The following MAP2 variants were observed in gnomAD, a reference collection of about 807,000 sequenced individuals.
The protein encoded by MAP2 is microtubule associated protein 2, also known as microtubule-associated protein 2.
MAP2 carries 14 observed loss-of-function variants against 137.6 expected under a neutral mutation model. The observed-to-expected ratio is 0.10, with a 90% CI of 0.07 to 0.16. The LOEUF (loss-of-function observed/expected upper bound fraction) is 0.16, where lower values mean the gene tolerates loss of function less well. MAP2 is among the 10% of genes least tolerant of loss of function. MAP2 has a pLI of 1.00. For synonymous variants in MAP2, 786 were observed against 782.3 expected (o/e 1.00, Z -0.08); for missense variants, 2,088 against 2,191.5 (o/e 0.95, Z 0.94).
intron 4 of MAP2, among the ~76,000 whole-genome samples, chr2:209,645,093 A>G (rs1013755190): frequency 1.3e-5 from 2 of 152,194 alleles, no homozygotes; most frequent in Non-Finnish European, 2.9e-5. Flanking sequence ...GTGCTCAGGA[A>G]CTACTTTTTG....
chr2:209,671,182 G>A (rs2048702048), intron 5 of MAP2, among the ~76,000 whole-genome samples: 2 of 151,890 alleles, frequency 1.3e-5, no homozygotes, highest in South Asian at 2.1e-4. Context: ...ATGTTGGCCA[G>A]TGTGACCCCT....
At chr2:209,452,553 A>C (rs1214775614) in intron 1 of MAP2, among the ~76,000 whole-genome samples, 1 of 152,210 alleles carries the variant, frequency 6.6e-6, no homozygotes, top group African/African-American at 2.4e-5. Context: ...GCCTCTGATA[A>C]TGACAGGGCA....
intron 2 of MAP2, among the ~76,000 whole-genome samples, chr2:209,547,198 C>T (rs2068248459): frequency 6.6e-6 from 1 of 152,054 alleles, no homozygotes; most frequent in Non-Finnish European, 1.5e-5. Context: ...GGAAGCATGC[C>T]CCTTGAGGAG....
chr2:209,494,627 A>C lies in MAP2; in HGVS notation c.-221-12965A>C, dbSNP rs553795573. On this transcript the variant is annotated intron_variant, in intron 1 of 15. Coordinates refer to ENST00000682079, the MANE Select transcript of MAP2 (RefSeq NM_001375505.1). ...TACCCCTTGTTAGGATATAATCGAG[A>C]AATAATCATACAAATGGACAACCAA... Among the ~76,000 whole-genome samples, 14 of 152,300 alleles carry C rather than the reference A, an allele frequency of 9.2e-5. No homozygotes were observed. In the East Asian group the frequency reaches 1.9e-3, roughly 21 times the overall value.
At chr2:209,475,288 C>A (rs902671923) in intron 1 of MAP2, among the ~76,000 whole-genome samples, 1 of 151,990 alleles carries the variant, frequency 6.6e-6, no homozygotes, top group African/African-American at 2.4e-5. Context: ...TGTCTTTACT[C>A]ATGGTAAAAA....
At chr2:209,718,786 TAAAG>T (rs1298650144) in intron 13 of MAP2, among the ~76,000 whole-genome samples, 1 of 152,238 alleles carries the variant, frequency 6.6e-6, no homozygotes, top group African/African-American at 2.4e-5. Context: ...TAAAAAATTT[TAAAG>T]AAACTATTGT....
At chr2:209,687,672 T>G (rs1387067924) in intron 7 of MAP2, among the ~76,000 whole-genome samples, 3 of 152,116 alleles carry the variant, frequency 2.0e-5, no homozygotes, top group East Asian at 3.9e-4. Context: ...CTTGTGTCTG[T>G]GTTGTCCAGT....
At chr2:209,603,278 A>AT (rs1429582799) in intron 3 of MAP2, among the ~76,000 whole-genome samples, 1 of 152,058 alleles carries the variant, frequency 6.6e-6, no homozygotes, top group Non-Finnish European at 1.5e-5. Flanking sequence ...CCCAGCTATT[A>AT]TTTTTTCTAC....
chr2:209,472,520 AACGAG>A (rs899097575), intron 1 of MAP2, among the ~76,000 whole-genome samples: 4 of 152,166 alleles, frequency 2.6e-5, no homozygotes, highest in African/African-American at 9.7e-5. Context: ...TCTCAGGAAA[AACGAG>A]ACCTTGCAGT....
chr2:209,562,704 A>G (rs1366281893), intron 2 of MAP2, among the ~76,000 whole-genome samples: 3 of 152,034 alleles, frequency 2.0e-5, no homozygotes, highest in Non-Finnish European at 4.4e-5. Context: ...CAAAAAAAAA[A>G]CAAAAAGCGA....
chr2:209,651,253 C>T (rs1049843916), intron 4 of MAP2, among the ~76,000 whole-genome samples: 4 of 152,178 alleles, frequency 2.6e-5, no homozygotes, highest in Non-Finnish European at 5.9e-5. Flanking sequence ...AGGTTAATTC[C>T]AAGGATGCTC....
chr2:209,673,575 C>T (rs554580597), intron 5 of MAP2, among the ~76,000 whole-genome samples: 17 of 151,854 alleles, frequency 1.1e-4, no homozygotes, highest in East Asian at 9.7e-4. Flanking sequence ...AGTGCCAGAA[C>T]ATTTTATAAG....
intron 3 of MAP2, among the ~76,000 whole-genome samples, chr2:209,580,509 TGCCCTTCCCAG>T (rs1451238024): frequency 1.3e-5 from 2 of 152,158 alleles, no homozygotes; most frequent in Non-Finnish European, 2.9e-5. Context: ...TGAAATGCCT[TGCCCTTCCCAG>T]GTAGAATGGG....
chr2:209,454,173 AAAAG>A (rs1700978011), intron 1 of MAP2, among the ~76,000 whole-genome samples: 1 of 142,600 alleles, frequency 7.0e-6, no homozygotes, highest in African/African-American at 2.9e-5. Context: ...AAAAAAAAAA[AAAAG>A]TAGAGGACAA....
At chr2:209,450,129 A>T (rs1700002832) in intron 1 of MAP2, among the ~76,000 whole-genome samples, 2 of 152,068 alleles carry the variant, frequency 1.3e-5, no homozygotes, top group African/African-American at 2.4e-5. Context: ...TTTAGTAGAG[A>T]TGGGGTTTCA....
chr2:209,682,547 C>G (rs540358455), intron 7 of MAP2, among the ~76,000 whole-genome samples: 1 of 152,004 alleles, frequency 6.6e-6, no homozygotes, highest in African/African-American at 2.4e-5. Flanking sequence ...AATAAATAAG[C>G]TTACCAATAA....
intron 2 of MAP2, among the ~76,000 whole-genome samples, chr2:209,556,660 A>G (rs1472702377): frequency 8.1e-6 from 1 of 122,720 alleles, no homozygotes; most frequent in Non-Finnish European, 1.5e-5. Context: ...AATCTGGCCT[A>G]TTAAAAAAAA....
Position 209,680,771 on chromosome 2 carries a change from T to A in MAP2, c.398T>A (p.Leu133Gln), listed in dbSNP as rs2054230964. ...LPLAAEETAN[L>Q]PPSPPPSPAS... ...TTAGCAGCTGAAGAAACAGCTAATCTGCCTCCTTCTCCACCCCCATCACCT... is the reference window on the plus strand; with the variant it reads ...TTAGCAGCTGAAGAAACAGCTAATCAGCCTCCTTCTCCACCCCCATCACCT... The change falls in exon 7 of 16, where the codon CTG becomes CAG. Residue 133 changes from leucine to glutamine, a missense_variant. Physicochemically the swap from Leu to Gln is moderately radical, Grantham distance 113. Coordinates refer to ENST00000682079, the MANE Select transcript of MAP2 (RefSeq NM_001375505.1). 6.2e-7 allele frequency: 1 copy of A among 1,613,606 alleles called. No individual in the cohort carries two copies. Among genetic ancestry groups the A allele is most frequent in the South Asian group, 1.1e-5 (1 of 91,074 alleles).
intron 2 of MAP2, among the ~76,000 whole-genome samples, chr2:209,538,528 A>G (rs1018725088): frequency 3.3e-5 from 5 of 151,054 alleles, no homozygotes; most frequent in Non-Finnish European, 7.4e-5. Context: ...AAACGGACAG[A>G]AGAGTCCTTT....
Sources: gnomAD v4.1 joint callset for allele counts (sites outside exome capture counted in the v4.1 genomes callset) on GRCh38, gnomAD v4.1.1 for gene constraint, MANE v1.5 for transcripts, NCBI Gene and HGNC (gene_info 2026-07-23, HGNC 2026-07-21) for gene names.